NTNG1: variants seen among roughly 807,000 people sequenced by gnomAD.
NTNG1 encodes netrin-G1.
Under a neutral mutation model 54.0 loss-of-function variants are expected in NTNG1, and 16 were observed. That is an observed-to-expected ratio of 0.30 (90% confidence interval 0.20 to 0.45). The LOEUF (loss-of-function observed/expected upper bound fraction) is 0.45, where lower values mean the gene tolerates loss of function less well. Ranked by LOEUF, NTNG1 falls within the 20% of genes least tolerant of loss-of-function variation. NTNG1 has a pLI of 1.00. For missense variants in NTNG1, 530 were observed against 678.7 expected (o/e 0.78, Z 2.43); for synonymous variants, 255 against 263.1 (o/e 0.97, Z 0.30).
At chr1:107,437,728 A>G (rs1418028264) in intron 7 of NTNG1, among the ~76,000 whole-genome samples, 1 of 152,186 alleles carries the variant, frequency 6.6e-6, no homozygotes, top group Non-Finnish European at 1.5e-5. Flanking sequence ...CAAATTATAT[A>G]AGATACTATT....
intron 2 of NTNG1, among the ~76,000 whole-genome samples, chr1:107,164,537 T>C (rs767652587): frequency 3.9e-5 from 6 of 152,174 alleles, no homozygotes; most frequent in Non-Finnish European, 7.3e-5. Flanking sequence ...TTGGAGCTCA[T>C]AGCGAAAGCA....
chr1:107,319,829 A>G (rs1667548129), intron 2 of NTNG1, among the ~76,000 whole-genome samples: 1 of 150,732 alleles, frequency 6.6e-6, no homozygotes, highest in African/African-American at 2.4e-5. Flanking sequence ...AATGATAGCA[A>G]CCGGAAGTGT....
At chr1:107,261,610 G>A (rs1043704366) in intron 2 of NTNG1, among the ~76,000 whole-genome samples, 3 of 152,320 alleles carry the variant, frequency 2.0e-5, no homozygotes, top group South Asian at 2.1e-4. Context: ...TTGGGAGGCC[G>A]AGGCGGGCAG....
chr1:107,150,102 T>TTA (rs1467188398), intron 2 of NTNG1, among the ~76,000 whole-genome samples: 1 of 152,152 alleles, frequency 6.6e-6, no homozygotes, highest in African/African-American at 2.4e-5. Context: ...CTGGTTTGAA[T>TTA]TATAGTCTAA....
intron 6 of NTNG1, among the ~76,000 whole-genome samples, chr1:107,434,711 A>G (rs911413505): frequency 1.3e-5 from 2 of 152,170 alleles, no homozygotes; most frequent in African/African-American, 4.8e-5. Flanking sequence ...TATAACTTTT[A>G]AATGAAGCAC....
chr1:107,461,683 A>G (rs1276042539), intron 7 of NTNG1, among the ~76,000 whole-genome samples: 3 of 151,832 alleles, frequency 2.0e-5, no homozygotes, highest in African/African-American at 7.3e-5. Context: ...ACAGGTGTGC[A>G]CCACCATGCC....
intron 1 of NTNG1, among the ~76,000 whole-genome samples, chr1:107,146,113 G>T (rs1639789201): frequency 6.6e-6 from 1 of 152,016 alleles, no homozygotes; most frequent in South Asian, 2.1e-4. Context: ...TATATTTAAA[G>T]TGGTATTTTC....
intron 3 of NTNG1, among the ~76,000 whole-genome samples, chr1:107,390,343 G>C (rs202205264): frequency 6.6e-6 from 1 of 152,200 alleles, no homozygotes; most frequent in East Asian, 1.9e-4. Flanking sequence ...AAAGCTAAAA[G>C]AGGCACATTT....
chr1:107,376,296 T>C (rs1420533480), intron 3 of NTNG1, among the ~76,000 whole-genome samples: 1 of 151,932 alleles, frequency 6.6e-6, no homozygotes, highest in Admixed American at 6.6e-5. Context: ...TAGTCCCAGC[T>C]ACTCGGGAGG....
At chr1:107,342,538 T>C (rs1320567236) in intron 3 of NTNG1, among the ~76,000 whole-genome samples, 1 of 152,146 alleles carries the variant, frequency 6.6e-6, no homozygotes, top group Non-Finnish European at 1.5e-5. Flanking sequence ...TAAATGCAAA[T>C]GGTTGTTAAT....
chr1:107,418,144 G>A (rs986784243), intron 5 of NTNG1, among the ~76,000 whole-genome samples: 7 of 151,870 alleles, frequency 4.6e-5, no homozygotes, highest in East Asian at 1.9e-4. Context: ...AACATACCCC[G>A]AAGAATCTAT....
At chr1:107,315,465 G>C (rs1208004158) in intron 2 of NTNG1, among the ~76,000 whole-genome samples, 1 of 151,994 alleles carries the variant, frequency 6.6e-6, no homozygotes, top group African/African-American at 2.4e-5. Flanking sequence ...TTTCCTTCAG[G>C]CTCATGCATG....
intron 2 of NTNG1, among the ~76,000 whole-genome samples, chr1:107,253,062 A>G (rs558250305): frequency 4.5e-4 from 68 of 152,304 alleles, no homozygotes; most frequent in African/African-American, 1.5e-3. Context: ...GGGAAAACCT[A>G]TTGGTACCAA....
intron 2 of NTNG1, among the ~76,000 whole-genome samples, chr1:107,259,540 T>C (rs1663158187): frequency 6.6e-6 from 1 of 152,252 alleles, no homozygotes; most frequent in Non-Finnish European, 1.5e-5. Context: ...TTCATTGATA[T>C]AAATCCAGAA....
chr1:107,331,115 C>T (rs4291528), intron 3 of NTNG1, among the ~76,000 whole-genome samples: 116,484 of 151,938 alleles, frequency 0.77, 46,948 homozygotes, highest in Non-Finnish European at 0.9. Context: ...AGAGGAGTGC[C>T]GTGACTTTTT....
At chr1:107,398,248 C>A (rs1316058794) in intron 4 of NTNG1, among the ~76,000 whole-genome samples, 1 of 152,048 alleles carries the variant, frequency 6.6e-6, no homozygotes, top group Non-Finnish European at 1.5e-5. Flanking sequence ...TGTAACTAAC[C>A]TGCACAATGT....
Position 107,435,227 on chromosome 1 carries a change from A to G in NTNG1, c.1256-1438A>G, listed in dbSNP as rs934583901. On this transcript the variant is annotated intron_variant, in intron 6 of 7. Transcript: ENST00000370068. ...ATAGGTACAAATTTATAATGTGCCTATGTACAGACAAACATTAAAAGCTTT... is the reference window on the plus strand; with the variant it reads ...ATAGGTACAAATTTATAATGTGCCTGTGTACAGACAAACATTAAAAGCTTT... Among the ~76,000 whole-genome samples the G allele has an allele frequency of 2.6e-5, 4 of 152,282 alleles. No homozygotes were observed. The East Asian group carries it at 7.7e-4, about 29-fold the overall frequency.
At chr1:107,404,243 A>G (rs1673254290) in intron 4 of NTNG1, among the ~76,000 whole-genome samples, 1 of 152,138 alleles carries the variant, frequency 6.6e-6, no homozygotes, top group African/African-American at 2.4e-5. Flanking sequence ...ATCAAAAAAT[A>G]GAATTTAAAC....
At chr1:107,393,356 A>T (rs1322653992) in intron 3 of NTNG1, among the ~76,000 whole-genome samples, 3 of 152,172 alleles carry the variant, frequency 2.0e-5, no homozygotes, top group African/African-American at 7.2e-5. Flanking sequence ...AAAGGTGTTA[A>T]TGTTGGAAGG....
Sources: gnomAD v4.1 joint callset for allele counts (sites outside exome capture counted in the v4.1 genomes callset) on GRCh38, gnomAD v4.1.1 for gene constraint, MANE v1.5 for transcripts, NCBI Gene and HGNC (gene_info 2026-07-23, HGNC 2026-07-21) for gene names.